The following TTLL12 variants were observed in gnomAD, a reference collection of about 807,000 sequenced individuals.
The protein encoded by TTLL12 is tubulin--tyrosine ligase-like protein 12.
Under a neutral mutation model 79.6 loss-of-function variants are expected in TTLL12, and 77 were observed. The ratio of observed to expected loss-of-function variants is 0.97; its 90% confidence interval spans 0.81 to 1.17. The LOEUF (loss-of-function observed/expected upper bound fraction) is 1.17. Ranked by LOEUF, TTLL12 falls within the 50% of genes most tolerant of loss-of-function variation. The pLI, the probability that TTLL12 is intolerant of heterozygous loss-of-function variation, is 0.00. For synonymous variants in TTLL12, 437 were observed against 376.1 expected, an observed-to-expected ratio of 1.16 and a Z score of -1.87; for missense variants, 969 against 895.9, an observed-to-expected ratio of 1.08 and a Z score of -1.04.
At chr22:43,179,580 A>T in intron 5 of TTLL12, 39 bp downstream of exon 5, 2 of 1,522,410 alleles carry the variant, frequency 1.3e-6, no homozygotes, top group Non-Finnish European at 1.8e-6. Context: ...TCTGGAAGCT[A>T]CCAAGCAGAC....
chr22:43,182,985 G>GGGGT lies in TTLL12; in HGVS notation c.338_341dup (p.Asn115ProfsTer39), dbSNP rs1569487251. 6.2e-7 allele frequency: 1 copy of GGGGT among 1,613,336 alleles called. No homozygotes were observed. The highest frequency in any genetic ancestry group is 8.5e-7 in the Non-Finnish European group (1 of 1,179,550). On this transcript the variant is annotated frameshift_variant, in exon 2 of 14. Coordinates refer to ENST00000216129, the MANE Select transcript of TTLL12 (RefSeq NM_015140.4). LOFTEE classifies it high-confidence loss of function. ...GTCTCTGGCCAGGCTCCTACCTGTTGGGGTGGGCTGCCTGGAGCCCGCTCT... is the reference window on the plus strand; with the variant it reads ...GTCTCTGGCCAGGCTCCTACCTGTTGGGGTGGGTGGGCTGCCTGGAGCCCGCTCT...
Position 43,168,822 on chromosome 22 carries a change from C to T in TTLL12, c.1735G>A (p.Ala579Thr). 6.3e-7 allele frequency: 1 copy of T among 1,590,182 alleles called. No homozygotes were observed. Among genetic ancestry groups the T allele is most frequent in the Non-Finnish European group, 8.6e-7 (1 of 1,168,908 alleles). The change falls in exon 13 of 14, where the codon GCC becomes ACC. Residue 579 changes from alanine to threonine, a missense_variant. Coordinates refer to ENST00000216129, the MANE Select transcript of TTLL12 (RefSeq NM_015140.4). ...AGCATGAGGTCGACGGCATACATGGCCCGGGATGAGGGGTAGTCGCAGAGG... is the reference window on the plus strand; with the variant it reads ...AGCATGAGGTCGACGGCATACATGGTCCGGGATGAGGGGTAGTCGCAGAGG... The part of the protein sequence containing the change: ...LGLCDYPSSR[A>T]MYAVDLMLKW...
At chr22:43,168,281 G>T in intron 13 of TTLL12, 122 bp from the exon 14 acceptor site, 1 of 1,387,530 alleles carries the variant, frequency 7.2e-7, no homozygotes, top group African/African-American at 1.4e-5. Flanking sequence ...CCCAGGGGAT[G>T]AGCAGGACAA....
intron 9 of TTLL12, among the ~76,000 whole-genome samples, chr22:43,173,096 C>T (rs530995991): frequency 6.6e-6 from 1 of 152,306 alleles, no homozygotes; most frequent in South Asian, 2.1e-4. Flanking sequence ...CCACGACAAT[C>T]GTCCTCATGA....
intron 1 of TTLL12, among the ~76,000 whole-genome samples, 167 bp from the exon 2 acceptor site, chr22:43,183,316 G>A (rs875307): frequency 0.24 from 36,754 of 152,098 alleles, 5,633 homozygotes; most frequent in Non-Finnish European, 0.34. Context: ...TCTTACGGGC[G>A]GGGAGACTGA....
Position 43,174,535 on chromosome 22 carries a change from T to G in TTLL12, c.998A>C (p.Asp333Ala). ...GAAGTGTGAGAAGTTGAAGAGGATG[T>G]CGGCGTCCGCCTCACTCTGGGTGAG... ...FTLTQSEADA[D>A]ILFNFSHFKD... The change falls in exon 7 of 14, where the codon GAC becomes GCC. Residue 333 changes from aspartate (D) to alanine (A), a missense_variant. By Grantham distance (126) the Asp-to-Ala change is moderately radical. Transcript: ENST00000216129. 1 of 1,613,454 alleles carries G rather than the reference T, an allele frequency of 6.2e-7. No homozygotes were observed. The highest frequency in any genetic ancestry group is 8.5e-7 in the Non-Finnish European group (1 of 1,179,734).
At chr22:43,186,846 G>T in intron 1 of TTLL12, 47 bp downstream of exon 1, 1 of 1,238,978 alleles carries the variant, frequency 8.1e-7, no homozygotes, top group Non-Finnish European at 1.0e-6. Flanking sequence ...GGCTCCCGCC[G>T]CGCTCCCACC....
rs547810926 is a variant in TTLL12, at chr22:43,167,976, C to T, written c.*32G>A. 6.2e-7 allele frequency: 1 copy of T among 1,603,396 alleles called. No individual in the cohort carries two copies. The highest frequency in any genetic ancestry group is 8.5e-7 in the Non-Finnish European group (1 of 1,172,846). ...TCAGAGAACTGAGGTTGGAATCCTG[C>T]CCCAAGCACAGGTTTTGGGGACAGC... On this transcript the variant is annotated 3_prime_UTR_variant, in exon 14 of 14. Transcript: ENST00000216129.
chr22:43,180,998 G>C (rs767007037), intron 2 of TTLL12, 58 bp from the exon 3 acceptor site: 1 of 1,555,892 alleles, frequency 6.4e-7, no homozygotes, highest in African/African-American at 1.4e-5. Context: ...AAGGGAAGTC[G>C]GGGGAGCAAG....
At chr22:43,184,679 G>T (rs544974518) in intron 1 of TTLL12, among the ~76,000 whole-genome samples, 1 of 152,222 alleles carries the variant, frequency 6.6e-6, no homozygotes, top group Non-Finnish European at 1.5e-5. Context: ...TTTAGGGCTG[G>T]GGGGAGGCTC....
rs767748443 is a variant in TTLL12, at chr22:43,174,422, T to C, written c.1035-19A>G. 18 of 1,558,902 alleles carry C rather than the reference T, an allele frequency of 1.2e-5. No individual in the cohort carries two copies. In the Admixed American group the frequency reaches 2.5e-4, roughly 22 times the overall value. ...GAGTTTCCTGCAGGGCGGAGGCAGGTGCGCCAGCTCAAGGGGAGGCCGGCA... is the reference window on the plus strand; with the variant it reads ...GAGTTTCCTGCAGGGCGGAGGCAGGCGCGCCAGCTCAAGGGGAGGCCGGCA... On this transcript the variant is annotated intron_variant, in intron 7 of 13. Coordinates refer to ENST00000216129, the MANE Select transcript of TTLL12 (RefSeq NM_015140.4).
chr22:43,177,717 G>A (rs6003098), intron 5 of TTLL12, among the ~76,000 whole-genome samples: 446 of 152,342 alleles, frequency 2.9e-3, no homozygotes, highest in African/African-American at 1.0e-2. Context: ...ATGCAGAAGC[G>A]GGTCCACAGC....
intron 1 of TTLL12, among the ~76,000 whole-genome samples, chr22:43,185,252 TA>T (rs1221912110): frequency 1.9e-3 from 1 of 528 alleles, no homozygotes; most frequent in Non-Finnish European, 4.1e-3. Context: ...AAAAATTATA[TA>T]TATATATATA....
intron 10 of TTLL12, among the ~76,000 whole-genome samples, chr22:43,172,182 C>T (rs1451404350): frequency 6.6e-6 from 1 of 152,236 alleles, no homozygotes; most frequent in Non-Finnish European, 1.5e-5. Context: ...AGAATGTTCA[C>T]ATCCATTACT....
In TTLL12 at chr22:43,180,945, G is replaced by A. The variant is rs779403732; in HGVS notation, c.348-5C>T. On this transcript the variant is annotated splice_region_variant and splice_polypyrimidine_tract_variant and intron_variant, in intron 2 of 13. Transcript: ENST00000216129. ...GCGTGGTCGATGAGGAAGATGCTGC[G>A]GGCACAGGCCACAATGTGAGGCTGC... 6 of 1,609,364 alleles carry A rather than the reference G, an allele frequency of 3.7e-6. No individual in the cohort carries two copies. Among genetic ancestry groups the A allele is most frequent in the Middle Eastern group, 1.9e-4 (1 of 5,178 alleles).
At chr22:43,181,629 C>T (rs1932058738) in intron 2 of TTLL12, among the ~76,000 whole-genome samples, 1 of 152,206 alleles carries the variant, frequency 6.6e-6, no homozygotes, top group Non-Finnish European at 1.5e-5. Flanking sequence ...CATAATCCTC[C>T]CAGAGCTCTG....
Position 43,168,080 on chromosome 22 carries a change from G to A in TTLL12, c.1863C>T (p.Thr621=). 6.2e-7 allele frequency: 1 copy of A among 1,614,156 alleles called. No homozygotes were observed. The highest frequency in any genetic ancestry group is 8.5e-7 in the Non-Finnish European group (1 of 1,180,012). The change falls in exon 14 of 14, where the codon ACC becomes ACT. Residue 621 remains threonine (T), a synonymous_variant. Transcript: ENST00000216129. ...AGGTGCTGAAGACGTCGTTGAAGAA[G>A]GTGGGGTGGTACCTGCAGGCTCGCT... ...DCERACRYHP[T]FFNDVFSTLF... is the part of the protein sequence containing the mutation.
In TTLL12 at chr22:43,168,141, G is replaced by A. The variant is rs752464415; in HGVS notation, c.1802C>T (p.Pro601Leu). The A allele has an allele frequency of 6.8e-6, 11 of 1,613,982 alleles. No individual in the cohort carries two copies. The highest frequency in any genetic ancestry group is 2.2e-5 in the East Asian group (1 of 44,888). Residue 601 changes from proline (P) to leucine (L), a missense_variant, in exon 14 of 14, where the codon CCG (proline) becomes CTG (leucine). Coordinates refer to ENST00000216129, the MANE Select transcript of TTLL12 (RefSeq NM_015140.4). ...GTTGAAGTTCACCTCCAGGATCTGC[G>A]GCTGCATCACCCGCCTTCCTGATGG... is the stretch of plus-strand genomic sequence containing the variant. Reference protein sequence around the residue: ...NGPDGRRVMQPQILEVNFNPD... With the variant: ...NGPDGRRVMQLQILEVNFNPD...
chr22:43,179,069 G>C (rs34160795), intron 5 of TTLL12, among the ~76,000 whole-genome samples: 1 of 151,972 alleles, frequency 6.6e-6, no homozygotes, highest in Non-Finnish European at 1.5e-5. Context: ...CTGGGGCCTC[G>C]ACAACTCCGA....
Sources: gnomAD v4.1 joint callset for allele counts (sites outside exome capture counted in the v4.1 genomes callset) on GRCh38, gnomAD v4.1.1 for gene constraint, MANE v1.5 for transcripts, NCBI Gene and HGNC (gene_info 2026-07-23, HGNC 2026-07-21) for gene names.